The following MTUS2 variants were observed in gnomAD, a reference collection of about 807,000 sequenced individuals.
MTUS2 encodes microtubule-associated tumor suppressor candidate 2.
In MTUS2, 40 loss-of-function variants were observed where a neutral mutation model predicts 114.1. That is an observed-to-expected ratio of 0.35 (90% confidence interval 0.27 to 0.46). MTUS2 has a LOEUF of 0.46. Among genes scored for constraint, MTUS2 ranks in the 20% least tolerant of loss-of-function variants. The probability of loss-of-function intolerance (pLI) is 1.00; values close to 1 mark genes in which losing one functional copy is unlikely to be tolerated. For synonymous variants in MTUS2, 688 were observed against 672.0 expected (o/e 1.02, Z -0.37); for missense variants, 1,679 against 1,705.4 (o/e 0.98, Z 0.27).
At chr13:29,128,715 G>A (rs1251650214) in intron 5 of MTUS2, among the ~76,000 whole-genome samples, 1 of 151,948 alleles carries the variant, frequency 6.6e-6, no homozygotes, top group Non-Finnish European at 1.5e-5. Flanking sequence ...AATTTTTGAT[G>A]CTAGCCATGT....
chr13:28,939,704 C>A (rs928869035), intron 2 of MTUS2, among the ~76,000 whole-genome samples: 10 of 151,616 alleles, frequency 6.6e-5, no homozygotes, highest in African/African-American at 2.4e-4. Context: ...CAAACCAGTT[C>A]ACCTGCTGAA....
chr13:29,205,179 A>G (rs1391623538), intron 5 of MTUS2, among the ~76,000 whole-genome samples: 1 of 152,192 alleles, frequency 6.6e-6, no homozygotes, highest in African/African-American at 2.4e-5. Flanking sequence ...AGAAAAACAA[A>G]TCATTTACTC....
intron 2 of MTUS2, among the ~76,000 whole-genome samples, chr13:28,936,695 A>G (rs1881919276): frequency 6.6e-6 from 1 of 152,134 alleles, no homozygotes; most frequent in Admixed American, 6.5e-5. Flanking sequence ...TTTTCTCATC[A>G]GGCATTTCCG....
At chr13:29,473,268 G>A (rs1389992771) in intron 9 of MTUS2, among the ~76,000 whole-genome samples, 3 of 152,136 alleles carry the variant, frequency 2.0e-5, no homozygotes, top group Middle Eastern at 3.4e-3. Context: ...ATTTTATTAC[G>A]AGCTGTAGAG....
intron 5 of MTUS2, among the ~76,000 whole-genome samples, chr13:29,279,542 T>G (rs1270718956): frequency 6.6e-6 from 1 of 152,226 alleles, no homozygotes; most frequent in Non-Finnish European, 1.5e-5. Flanking sequence ...ATTTCCAAAT[T>G]CAGAGTATTT....
intron 9 of MTUS2, among the ~76,000 whole-genome samples, chr13:29,449,274 A>G (rs1182525624): frequency 5.1e-5 from 2 of 39,116 alleles, no homozygotes; most frequent in Non-Finnish European, 1.8e-4. Context: ...GTTATTTATT[A>G]TGTTCTTAAG....
In MTUS2 at chr13:29,324,688, C is replaced by T. The variant is rs1359625427; in HGVS notation, c.2882C>T (p.Ser961Leu). The change falls in exon 7 of 16, where the codon TCA (serine) becomes TTA (leucine). Residue 961 changes from serine (S) to leucine (L), a missense_variant. Ser to Leu is a moderately radical substitution (Grantham distance 145). Around this residue, in one of 3 missense-constraint regions of MTUS2, gnomAD observed 822 missense variants for 899.7 expected, o/e 0.91. Coordinates refer to ENST00000612955, the MANE Select transcript of MTUS2 (RefSeq NM_001033602.4). Reference protein sequence around the residue: ...AVSSPKRVAASTTKLHSPGYP... With the variant: ...AVSSPKRVAALTTKLHSPGYP... ...TCATCTCCTAAGAGAGTAGCAGCTT[C>T]AACCACCAAGCTTCATTCACCAGGT... 1.3e-6 allele frequency: 2 copies of T among 1,599,218 alleles called. No individual in the cohort carries two copies. Among genetic ancestry groups the T allele is most frequent in the Non-Finnish European group, 1.7e-6 (2 of 1,172,492 alleles).
chr13:29,243,541 G>A (rs1896804971), intron 5 of MTUS2, among the ~76,000 whole-genome samples: 1 of 152,182 alleles, frequency 6.6e-6, no homozygotes, highest in African/African-American at 2.4e-5. Context: ...TTGCAAGTAA[G>A]GGCTACTCTT....
At chr13:29,262,393 C>T (rs1449908832) in intron 5 of MTUS2, among the ~76,000 whole-genome samples, 1 of 151,990 alleles carries the variant, frequency 6.6e-6, no homozygotes, top group African/African-American at 2.4e-5. Context: ...TCATCTGCAC[C>T]CATATTTCCC....
intron 4 of MTUS2, among the ~76,000 whole-genome samples, chr13:29,046,093 C>T (rs1287791936): frequency 2.7e-5 from 4 of 150,454 alleles, no homozygotes; most frequent in African/African-American, 7.4e-5. Flanking sequence ...ACAAAGGCCA[C>T]TACTGATTTC....
intron 12 of MTUS2, among the ~76,000 whole-genome samples, chr13:29,493,541 G>A (rs559827344): frequency 1.3e-5 from 2 of 152,208 alleles, no homozygotes; most frequent in Admixed American, 6.5e-5. Context: ...CTGCTTCTTC[G>A]ATGGCTCACT....
chr13:28,824,031 T>C (rs1874095046), intron 1 of MTUS2, among the ~76,000 whole-genome samples: 1 of 152,214 alleles, frequency 6.6e-6, no homozygotes, highest in Non-Finnish European at 1.5e-5. Context: ...ATGGGAATTA[T>C]AATTCATGAT....
chr13:29,196,771 A>G (rs1894721071), intron 5 of MTUS2, among the ~76,000 whole-genome samples: 2 of 152,232 alleles, frequency 1.3e-5, no homozygotes, highest in Admixed American at 1.3e-4. Context: ...ATACTGCAGC[A>G]TATGGCAAAA....
chr13:29,358,603 G>A (rs1440822691), intron 7 of MTUS2, among the ~76,000 whole-genome samples: 2 of 152,240 alleles, frequency 1.3e-5, no homozygotes, highest in African/African-American at 4.8e-5. Context: ...AAGAGAGGAA[G>A]CAGGGCTTCC....
rs188775144 is a variant in MTUS2 at position 28,949,743 on chromosome 13, A to G, written c.-242-74714A>G. ...CTGTGTCTGGCTTATTTCACTTAGC[A>G]TAATGCCCCCAAGGTTCATCCATGT... On this transcript the variant is annotated intron_variant, in intron 2 of 15. Coordinates refer to ENST00000612955, the MANE Select transcript of MTUS2 (RefSeq NM_001033602.4). Among the ~76,000 whole-genome samples the G allele has an allele frequency of 6.6e-4, 100 of 152,332 alleles. No individual in the cohort carries two copies. In the Middle Eastern group the frequency reaches 0.01, roughly 16 times the overall value.
intron 2 of MTUS2, among the ~76,000 whole-genome samples, chr13:28,955,445 C>T (rs1205330473): frequency 6.6e-6 from 1 of 152,122 alleles, no homozygotes; most frequent in Non-Finnish European, 1.5e-5. Flanking sequence ...ATGTGGTGGC[C>T]CACTTAGGTC....
At chr13:28,877,693 A>G (rs1025753834) in intron 2 of MTUS2, among the ~76,000 whole-genome samples, 1 of 151,814 alleles carries the variant, frequency 6.6e-6, no homozygotes, top group Non-Finnish European at 1.5e-5. Context: ...ATGAATCCAT[A>G]AGAAGATACT....
chr13:29,114,464 A>C (rs879524220), intron 5 of MTUS2, among the ~76,000 whole-genome samples: 1 of 152,218 alleles, frequency 6.6e-6, no homozygotes, highest in African/African-American at 2.4e-5. Flanking sequence ...GTAATTTGAC[A>C]TTTTGTTCAA....
At chr13:28,831,286 C>CAAAA (rs1874660811) in intron 1 of MTUS2, among the ~76,000 whole-genome samples, 1 of 152,088 alleles carries the variant, frequency 6.6e-6, no homozygotes, top group Non-Finnish European at 1.5e-5. Context: ...AAAATCCTGC[C>CAAAA]ATTTTTAGTT....
Sources: allele counts gnomAD v4.1 joint callset (sites outside exome capture counted in the v4.1 genomes callset), GRCh38; gene constraint gnomAD v4.1.1; regional missense constraint gnomAD v4.1.1; transcripts MANE v1.5; gene names NCBI Gene and HGNC (gene_info 2026-07-23, HGNC 2026-07-21).